Variants in CAB39L observed in about 807,000 individuals in gnomAD.
CAB39L encodes calcium-binding protein 39-like.
CAB39L carries 23 observed loss-of-function variants against 39.1 expected under a neutral mutation model. That is an observed-to-expected ratio of 0.59 (90% CI 0.42 to 0.83). CAB39L has a LOEUF of 0.83. Ranked by LOEUF, CAB39L falls within the 40% of genes least tolerant of loss-of-function variation. CAB39L has a pLI of 0.00. For missense variants in CAB39L, 366 were observed against 391.9 expected (o/e 0.93, Z 0.56); for synonymous variants, 126 against 137.2 (o/e 0.92, Z 0.57).
At chr13:49,389,914 T>C (rs113307648) in intron 3 of CAB39L, among the ~76,000 whole-genome samples, 1,786 of 152,206 alleles carry the variant, frequency 0.012, 15 homozygotes, top group South Asian at 0.036. Context: ...TCTTGACCTG[T>C]TGGGTTCAAG....
At chr13:49,384,287 G>A (rs762254196) in intron 3 of CAB39L, among the ~76,000 whole-genome samples, 140 of 152,318 alleles carry the variant, frequency 9.2e-4, no homozygotes, top group Non-Finnish European at 1.0e-3. Flanking sequence ...TTTATCGTGA[G>A]ATTGCAGCAA....
intron 3 of CAB39L, among the ~76,000 whole-genome samples, chr13:49,397,929 T>G (rs2138644646): frequency 6.6e-6 from 1 of 152,206 alleles, no homozygotes; most frequent in African/African-American, 2.4e-5. Context: ...ACATACATAT[T>G]ACACATAACA....
chr13:49,397,167 T>C (rs745393722), intron 3 of CAB39L, among the ~76,000 whole-genome samples: 1 of 152,174 alleles, frequency 6.6e-6, no homozygotes, highest in Non-Finnish European at 1.5e-5. Flanking sequence ...AAAATATGCA[T>C]CCTAAATGTA....
intron 1 of CAB39L, among the ~76,000 whole-genome samples, chr13:49,439,920 G>GTTTTT (rs1270438947): frequency 3.1e-4 from 13 of 41,360 alleles, no homozygotes; most frequent in African/African-American, 9.3e-4. Flanking sequence ...CTTTTTAATG[G>GTTTTT]GTTTTTTTTT....
At chr13:49,422,597 T>A (rs1462694428) in intron 3 of CAB39L, among the ~76,000 whole-genome samples, 2 of 151,284 alleles carry the variant, frequency 1.3e-5, no homozygotes, top group Non-Finnish European at 2.9e-5. Context: ...AATATAATTT[T>A]AAAGTGTATT....
chr13:49,407,712 A>T (rs1052596583), intron 3 of CAB39L, among the ~76,000 whole-genome samples: 1 of 151,776 alleles, frequency 6.6e-6, no homozygotes, highest in African/African-American at 2.4e-5. Flanking sequence ...TTTTATTTAA[A>T]TATATAACAG....
chr13:49,346,215 C>T (rs1169718114), intron 7 of CAB39L, among the ~76,000 whole-genome samples: 1 of 144,396 alleles, frequency 6.9e-6, no homozygotes, highest in Non-Finnish European at 1.5e-5. Context: ...CATGGATATA[C>T]CCTCAAATTT....
intron 6 of CAB39L, among the ~76,000 whole-genome samples, chr13:49,356,233 C>T (rs7981156): frequency 0.81 from 122,595 of 152,136 alleles, 49,880 homozygotes; most frequent in African/African-American, 0.92. Context: ...GCACCATCTA[C>T]AAAATAACTG....
chr13:49,393,939 T>C (rs1221977698), intron 3 of CAB39L, among the ~76,000 whole-genome samples: 7 of 151,968 alleles, frequency 4.6e-5, no homozygotes, highest in Non-Finnish European at 4.4e-5. Context: ...AACACATCAA[T>C]GAACAACACA....
At chr13:49,349,731 G>A (rs1273966848) in intron 7 of CAB39L, among the ~76,000 whole-genome samples, 3 of 152,052 alleles carry the variant, frequency 2.0e-5, no homozygotes, top group African/African-American at 7.2e-5. Flanking sequence ...TAACCGGAAT[G>A]TCAAATAGGC....
intron 9 of CAB39L, among the ~76,000 whole-genome samples, chr13:49,334,599 A>G (rs1313928592): frequency 6.6e-6 from 1 of 152,208 alleles, no homozygotes. Context: ...TTTGCCTTGT[A>G]GTGCAGAGTT....
At chr13:49,344,914 T>A (rs1025042482) in intron 7 of CAB39L, among the ~76,000 whole-genome samples, 1 of 152,188 alleles carries the variant, frequency 6.6e-6, no homozygotes, top group Non-Finnish European at 1.5e-5. Context: ...AGTTACTAAG[T>A]AGCACAATCC....
intron 3 of CAB39L, among the ~76,000 whole-genome samples, chr13:49,410,222 A>G (rs756752083): frequency 4.6e-5 from 7 of 152,258 alleles, no homozygotes; most frequent in South Asian, 2.1e-4. Context: ...AATAATTCTC[A>G]TATTTCCCTG....
intron 5 of CAB39L, among the ~76,000 whole-genome samples, chr13:49,370,479 G>A (rs563599649): frequency 6.6e-6 from 1 of 152,284 alleles, no homozygotes; most frequent in East Asian, 1.9e-4. Flanking sequence ...TTCTGTCTCA[G>A]TTCTAGTTCC....
chr13:49,422,719 A>C (rs755343625), intron 3 of CAB39L, among the ~76,000 whole-genome samples: 16 of 151,796 alleles, frequency 1.1e-4, no homozygotes, highest in Non-Finnish European at 1.9e-4. Context: ...AATAGCTGGG[A>C]CTATAAATGC....
chr13:49,396,410 A>G (rs1464838106), intron 3 of CAB39L, among the ~76,000 whole-genome samples: 1 of 151,998 alleles, frequency 6.6e-6, no homozygotes, highest in Non-Finnish European at 1.5e-5. Flanking sequence ...CTACCACCAC[A>G]TAAAAAAAAA....
chr13:49,383,482 T>G lies in CAB39L; in HGVS notation c.-31-541A>C, dbSNP rs533134404. ...TTTTAAAAAACATAAACTTATTCTC[T>G]GAATGCATAATAATCAATGATCAAA... On this transcript the variant is annotated intron_variant, in intron 3 of 10. Coordinates refer to ENST00000409308, the MANE Select transcript of CAB39L (RefSeq NM_001079670.3). Among the ~76,000 whole-genome samples, 6 of 152,308 alleles carry G rather than the reference T, an allele frequency of 3.9e-5. No homozygotes were observed. In the South Asian group the frequency reaches 1.2e-3, roughly 32 times the overall value.
At chr13:49,338,877 A>T (rs1482956963) in intron 9 of CAB39L, among the ~76,000 whole-genome samples, 1 of 152,150 alleles carries the variant, frequency 6.6e-6, no homozygotes, top group Non-Finnish European at 1.5e-5. Flanking sequence ...GAAAACACTG[A>T]CTGTCGTGAA....
At chr13:49,320,668 T>G (rs938785175) in intron 10 of CAB39L, among the ~76,000 whole-genome samples, 2 of 152,176 alleles carry the variant, frequency 1.3e-5, no homozygotes, top group African/African-American at 4.8e-5. Flanking sequence ...CCTGGAATGC[T>G]CTGTATATGC....
Sources: allele counts gnomAD v4.1 joint callset (sites outside exome capture counted in the v4.1 genomes callset), GRCh38; gene constraint gnomAD v4.1.1; transcripts MANE v1.5; gene names NCBI Gene and HGNC (gene_info 2026-07-23, HGNC 2026-07-21).